STEAP1B: variants seen among roughly 807,000 people sequenced by gnomAD.
The protein encoded by STEAP1B is STEAP family member 1B.
Under a neutral mutation model 27.9 loss-of-function variants are expected in STEAP1B, and 13 were observed. The observed-to-expected ratio is 0.47, with a 90% CI of 0.30 to 0.74. STEAP1B has a LOEUF of 0.74. Among genes scored for constraint, STEAP1B ranks in the 30% least tolerant of loss-of-function variants. The probability of loss-of-function intolerance (pLI) is 0.06; values close to 1 mark genes in which losing one functional copy is unlikely to be tolerated. For synonymous variants in STEAP1B, 86 were observed against 107.1 expected (o/e 0.80, Z 1.22); for missense variants, 250 against 298.7 (o/e 0.84, Z 1.20).
At position 22,474,520 on chromosome 7, in the gene STEAP1B, C is replaced by T. The variant is rs1185401065; in HGVS notation, c.762+18045G>A. 2.0e-5 allele frequency among the ~76,000 whole-genome samples: 3 copies of T among 152,304 alleles called. No homozygotes were observed. The East Asian group carries it at 5.8e-4, about 29-fold the overall frequency. ...CTTCCTGTGTGGCCAGCAAGGGCAG[C>T]TACAGGGGTTCAAAATGGTCTGTTG... On this transcript the variant is annotated intron_variant, in intron 4 of 4. Transcript: ENST00000678116.
At chr7:22,442,661 T>C (rs1426119344) in intron 4 of STEAP1B, among the ~76,000 whole-genome samples, 1 of 152,032 alleles carries the variant, frequency 6.6e-6, no homozygotes, top group African/African-American at 2.4e-5. Context: ...TTTGACAGAG[T>C]TGGAATCTTA....
intron 4 of STEAP1B, among the ~76,000 whole-genome samples, chr7:22,434,984 C>A (rs1471440679): frequency 6.6e-6 from 1 of 151,974 alleles, no homozygotes; most frequent in African/African-American, 2.4e-5. Context: ...CCACATGTGG[C>A]CAGAAGTACT....
intron 4 of STEAP1B, among the ~76,000 whole-genome samples, chr7:22,450,262 C>G (rs1253703262): frequency 6.6e-6 from 1 of 152,188 alleles, no homozygotes; most frequent in East Asian, 1.9e-4. Flanking sequence ...GACCAATGTC[C>G]TGGAGAGTTT....
intron 4 of STEAP1B, chr7:22,438,880 C>T: frequency 8.3e-7 from 1 of 1,205,066 alleles, no homozygotes; most frequent in South Asian, 2.4e-5. Context: ...GGGATAAAAT[C>T]TCAACTATTT....
chr7:22,456,885 C>A (rs1469290931), intron 4 of STEAP1B, among the ~76,000 whole-genome samples: 5 of 146,018 alleles, frequency 3.4e-5, no homozygotes, highest in South Asian at 4.5e-4. Flanking sequence ...CCAAGCCCAG[C>A]TGCGTGTAAG....
At chr7:22,441,224 G>A (rs1282950616) in intron 4 of STEAP1B, among the ~76,000 whole-genome samples, 3 of 152,098 alleles carry the variant, frequency 2.0e-5, no homozygotes, top group African/African-American at 7.2e-5. Context: ...AAGTGTCCCA[G>A]GTTGGATAAA....
At chr7:22,430,408 G>A (rs971871663) in intron 4 of STEAP1B, among the ~76,000 whole-genome samples, 6 of 152,186 alleles carry the variant, frequency 3.9e-5, no homozygotes, top group Non-Finnish European at 5.9e-5. Flanking sequence ...ACTACCACAA[G>A]TGCATCATTA....
At chr7:22,485,237 T>C (rs1473515022) in intron 4 of STEAP1B, among the ~76,000 whole-genome samples, 3 of 152,186 alleles carry the variant, frequency 2.0e-5, no homozygotes, top group Non-Finnish European at 2.9e-5. Context: ...GAAGAGCCCA[T>C]TGATGTGGCA....
chr7:22,489,848 G>C (rs576128083), intron 4 of STEAP1B, among the ~76,000 whole-genome samples: 2 of 152,218 alleles, frequency 1.3e-5, no homozygotes, highest in South Asian at 4.1e-4. Flanking sequence ...AAATTACCTT[G>C]GGCAGTATGG....
chr7:22,499,032 G>A (rs928818801), intron 1 of STEAP1B, among the ~76,000 whole-genome samples: 33 of 152,200 alleles, frequency 2.2e-4, no homozygotes, highest in African/African-American at 7.2e-4. Flanking sequence ...TAACCAAAAT[G>A]TAATTTAAGT....
At chr7:22,461,683 T>A (rs903356479) in intron 4 of STEAP1B, among the ~76,000 whole-genome samples, 1 of 152,212 alleles carries the variant, frequency 6.6e-6, no homozygotes, top group African/African-American at 2.4e-5. Flanking sequence ...GATTACACCA[T>A]GTGCTCTCTT....
rs189505527 is a variant in STEAP1B at position 22,497,776 on chromosome 7, T to A, written c.-32+2338A>T. Reference sequence around the variant, plus strand: ...GAGATTTAATTGGCTCATGGTTCCATAGGCTGTAAAGGAAGCATGGCAACA... The same window carrying A: ...GAGATTTAATTGGCTCATGGTTCCAAAGGCTGTAAAGGAAGCATGGCAACA... On this transcript the variant is annotated intron_variant, in intron 1 of 4. Transcript: ENST00000678116. Among the ~76,000 whole-genome samples the A allele has an allele frequency of 6.6e-5, 10 of 152,310 alleles. No homozygotes were observed. The East Asian group carries it at 1.9e-3, about 29-fold the overall frequency.
intron 4 of STEAP1B, among the ~76,000 whole-genome samples, chr7:22,435,785 G>A (rs1334434444): frequency 6.6e-6 from 1 of 152,198 alleles, no homozygotes; most frequent in African/African-American, 2.4e-5. Flanking sequence ...TCACCTGGAT[G>A]GGCTTCATGG....
chr7:22,435,316 G>A (rs1414642133), intron 4 of STEAP1B, among the ~76,000 whole-genome samples: 1 of 151,934 alleles, frequency 6.6e-6, no homozygotes, highest in Non-Finnish European at 1.5e-5. Flanking sequence ...ATAAGGCAAG[G>A]TCAAGCAGCT....
chr7:22,458,645 A>C (rs1785628464), intron 4 of STEAP1B, among the ~76,000 whole-genome samples: 1 of 152,186 alleles, frequency 6.6e-6, no homozygotes, highest in Non-Finnish European at 1.5e-5. Flanking sequence ...AGCATTTTGC[A>C]CAAGGGTACA....
chr7:22,452,459 C>T (rs544211254), intron 4 of STEAP1B, among the ~76,000 whole-genome samples: 2 of 152,068 alleles, frequency 1.3e-5, no homozygotes, highest in African/African-American at 4.8e-5. Context: ...CCAAACCCGC[C>T]GGTCAAAGAA....
chr7:22,491,788 C>A (rs1359984120), intron 4 of STEAP1B, among the ~76,000 whole-genome samples: 2 of 151,868 alleles, frequency 1.3e-5, no homozygotes, highest in African/African-American at 4.8e-5. Flanking sequence ...TGTGAGGACC[C>A]ATTTAGGGAA....
At chr7:22,467,695 A>G (rs1189139219) in intron 4 of STEAP1B, among the ~76,000 whole-genome samples, 4 of 152,038 alleles carry the variant, frequency 2.6e-5, no homozygotes, top group Admixed American at 1.3e-4. Context: ...GCCATGTGAG[A>G]CGTGCCTTTT....
chr7:22,463,492 C>T (rs1251152741), intron 4 of STEAP1B, among the ~76,000 whole-genome samples: 16 of 152,130 alleles, frequency 1.1e-4, no homozygotes, highest in Non-Finnish European at 2.2e-4. Flanking sequence ...GAGCCTGCAT[C>T]GCCAAGTCAA....
Sources: allele counts gnomAD v4.1 joint callset (sites outside exome capture counted in the v4.1 genomes callset), GRCh38; gene constraint gnomAD v4.1.1; transcripts MANE v1.5; gene names NCBI Gene and HGNC (gene_info 2026-07-23, HGNC 2026-07-21).